Variants in PLD5 observed in about 807,000 individuals in gnomAD.
The protein encoded by PLD5 is inactive phospholipase D5.
A neutral mutation model predicts 61.1 loss-of-function variants in PLD5; 36 were observed. The ratio of observed to expected loss-of-function variants is 0.59; its 90% CI spans 0.45 to 0.78. The LOEUF is 0.78. PLD5 is among the 30% of genes least tolerant of loss of function. The pLI, the probability that PLD5 is intolerant of heterozygous loss-of-function variation, is 0.00. For missense variants in PLD5, 515 were observed against 644.4 expected, an observed-to-expected ratio of 0.80 and a Z score of 2.17; for synonymous variants, 243 against 242.8, an observed-to-expected ratio of 1.00 and a Z score of -0.01.
chr1:242,103,688 T>C (rs1660848456), intron 8 of PLD5, among the ~76,000 whole-genome samples: 2 of 152,188 alleles, frequency 1.3e-5, no homozygotes, highest in Non-Finnish European at 2.9e-5. Flanking sequence ...CCCAGGTTGG[T>C]GCCCTGATCC....
chr1:242,221,774 G>A (rs1413790849), intron 4 of PLD5, among the ~76,000 whole-genome samples: 1 of 152,162 alleles, frequency 6.6e-6, no homozygotes, highest in Non-Finnish European at 1.5e-5. Context: ...AGTTACCCTG[G>A]CAGGTATGGA....
At chr1:242,328,435 C>G (rs1008659826) in intron 2 of PLD5, among the ~76,000 whole-genome samples, 2 of 151,874 alleles carry the variant, frequency 1.3e-5, no homozygotes, top group African/African-American at 2.4e-5. Flanking sequence ...TATGTGTGTT[C>G]TACATACATG....
intron 1 of PLD5, among the ~76,000 whole-genome samples, chr1:242,464,087 C>G (rs1362453492): frequency 6.6e-6 from 1 of 152,226 alleles, no homozygotes; most frequent in Non-Finnish European, 1.5e-5. Context: ...CGGAGCACTT[C>G]ACGTAGTCAT....
intron 4 of PLD5, among the ~76,000 whole-genome samples, chr1:242,254,125 T>C (rs1338029762): frequency 6.6e-6 from 1 of 152,136 alleles, no homozygotes; most frequent in Non-Finnish European, 1.5e-5. Flanking sequence ...ATCACAGATC[T>C]AGGTTTGTAA....
intron 1 of PLD5, among the ~76,000 whole-genome samples, chr1:242,500,436 G>A (rs896349118): frequency 6.6e-6 from 1 of 152,164 alleles, no homozygotes; most frequent in African/African-American, 2.4e-5. Flanking sequence ...GACCATCCCT[G>A]CTAGCAAGAC....
At chr1:242,430,938 G>A (rs569610238) in intron 1 of PLD5, among the ~76,000 whole-genome samples, 22 of 152,222 alleles carry the variant, frequency 1.4e-4, no homozygotes, top group East Asian at 3.9e-4. Context: ...TTCTGTCAAC[G>A]TTTAGTTTTC....
intron 1 of PLD5, among the ~76,000 whole-genome samples, chr1:242,411,329 G>A (rs1490857712): frequency 1.3e-5 from 2 of 151,982 alleles, no homozygotes; most frequent in East Asian, 1.9e-4. Context: ...TCCGCCTCCC[G>A]GGTTCACGCC....
intron 5 of PLD5, among the ~76,000 whole-genome samples, chr1:242,199,879 A>G (rs1668875744): frequency 6.6e-6 from 1 of 152,162 alleles, no homozygotes; most frequent in Non-Finnish European, 1.5e-5. Context: ...ATAGTATTTC[A>G]TCACGTATAA....
At chr1:242,479,928 G>A (rs1667715698) in intron 1 of PLD5, among the ~76,000 whole-genome samples, 1 of 151,834 alleles carries the variant, frequency 6.6e-6, no homozygotes, top group African/African-American at 2.4e-5. Context: ...GTGTGCGCCT[G>A]TAGTCCCAGC....
chr1:242,265,253 G>A, intron 4 of PLD5, 84 bp downstream of exon 4: 1 of 1,471,150 alleles, frequency 6.8e-7, no homozygotes, highest in Non-Finnish European at 9.0e-7. Flanking sequence ...TAACCATAAA[G>A]AAATTATATA....
At chr1:242,394,949 T>TTATATATATGAA (rs1491491950) in intron 1 of PLD5, among the ~76,000 whole-genome samples, 11 of 67,182 alleles carry the variant, frequency 1.6e-4, no homozygotes, top group East Asian at 1.3e-3. Flanking sequence ...ATATATATGA[T>TTATATATATGAA]TATATATGAA....
At chr1:242,140,514 G>C (rs1441372064) in intron 5 of PLD5, among the ~76,000 whole-genome samples, 1 of 152,132 alleles carries the variant, frequency 6.6e-6, no homozygotes. Flanking sequence ...GCATGTACTT[G>C]TAGTCTCAGC....
At chr1:242,488,731 A>C (rs1253483257) in intron 1 of PLD5, among the ~76,000 whole-genome samples, 2 of 152,166 alleles carry the variant, frequency 1.3e-5, no homozygotes, top group East Asian at 3.8e-4. Flanking sequence ...TAAACTATGG[A>C]CTTTAGTTAA....
In PLD5 at chr1:242,152,013, CT is replaced by C. The variant is rs113279302; in HGVS notation, c.736-27349del. On this transcript the variant is annotated intron_variant, in intron 5 of 9. Coordinates refer to ENST00000536534, the MANE Select transcript of PLD5 (RefSeq NM_001372062.1). ...ACATTCACACATTCAATATGTAGAA[CT>C]TTTTTTTTTTTCAGTGCTGCAAAGG... Among the ~76,000 whole-genome samples the C allele has an allele frequency of 7.2e-3, 1,057 of 146,250 alleles. 11 individuals are homozygous for C. The highest frequency in any genetic ancestry group is 0.022 in the African/African-American group (875 of 40,150).
intron 1 of PLD5, among the ~76,000 whole-genome samples, chr1:242,394,898 TTATATATGAATATATATGTA>T (rs1430829309): frequency 2.9e-5 from 3 of 102,614 alleles, no homozygotes; most frequent in African/African-American, 3.9e-5. Context: ...ATATATATGA[TTATATATGAATATATATGTA>T]TATATGTATA....
intron 1 of PLD5, among the ~76,000 whole-genome samples, chr1:242,415,077 C>CA (rs1294701117): frequency 6.6e-6 from 1 of 152,114 alleles, no homozygotes; most frequent in African/African-American, 2.4e-5. Context: ...ATAACATTTG[C>CA]AAAAATCCAA....
intron 2 of PLD5, among the ~76,000 whole-genome samples, chr1:242,314,665 G>A (rs1186096723): frequency 6.6e-6 from 1 of 152,086 alleles, no homozygotes; most frequent in East Asian, 1.9e-4. Flanking sequence ...TCATGGAATA[G>A]CTCTGCTTTT....
chr1:242,242,361 G>A (rs1007427945), intron 4 of PLD5, among the ~76,000 whole-genome samples: 7 of 152,098 alleles, frequency 4.6e-5, no homozygotes, highest in Non-Finnish European at 5.9e-5. Flanking sequence ...AAACAGCCAC[G>A]CTTTACCAAA....
At chr1:242,325,439 G>C (rs1218044407) in intron 2 of PLD5, among the ~76,000 whole-genome samples, 1 of 127,660 alleles carries the variant, frequency 7.8e-6, no homozygotes, top group African/African-American at 2.9e-5. Context: ...GGGTGGGGGG[G>C]AGAGAGAGAT....
Sources: gnomAD v4.1 joint callset for allele counts (sites outside exome capture counted in the v4.1 genomes callset) on GRCh38, gnomAD v4.1.1 for gene constraint, MANE v1.5 for transcripts, NCBI Gene and HGNC (gene_info 2026-07-23, HGNC 2026-07-21) for gene names.